Variants in DOP1B observed in about 807,000 individuals in gnomAD.
DOP1B encodes the protein protein DOP1B.
In DOP1B, 174 loss-of-function variants were observed where a neutral mutation model predicts 233.5. That is an observed-to-expected ratio of 0.75 (90% CI 0.66 to 0.85). The LOEUF (loss-of-function observed/expected upper bound fraction) is 0.85. Ranked by LOEUF, DOP1B falls within the 40% of genes least tolerant of loss-of-function variation. The probability of loss-of-function intolerance (pLI) is 0.00; values close to 1 mark genes in which losing one functional copy is unlikely to be tolerated. For missense variants in DOP1B, 2,652 were observed against 2,846.6 expected (o/e 0.93, Z 1.56); for synonymous variants, 1,190 against 1,185.6 (o/e 1.00, Z -0.08).
intron 2 of DOP1B, among the ~76,000 whole-genome samples, chr21:36,176,097 C>CGTGTGCGTGTGTGTGTGTGT (rs375729449): frequency 3.9e-4 from 55 of 141,846 alleles, no homozygotes; most frequent in Non-Finnish European, 6.0e-4. Flanking sequence ...GGTGTGTGTG[C>CGTGTGCGTGTGTGTGTGTGT]GTGTGTGTGT....
chr21:36,161,372 C>T lies in DOP1B; in HGVS notation c.-26-3336C>T, dbSNP rs564537365. On this transcript the variant is annotated intron_variant, in intron 1 of 36. Transcript: ENST00000691173. ...CAGGCTGGTCTCGAACTCCTGACCT[C>T]GTGATCCACCCACCTCGGCCTCCCA... 2.0e-3 allele frequency among the ~76,000 whole-genome samples: 302 copies of T among 151,952 alleles called. 6 individuals carry two copies. The highest frequency in any genetic ancestry group is 7.0e-3 in the African/African-American group (291 of 41,438).
chr21:36,256,106 G>A (rs2067093415), intron 23 of DOP1B, among the ~76,000 whole-genome samples: 1 of 152,130 alleles, frequency 6.6e-6, no homozygotes, highest in African/African-American at 2.4e-5. Flanking sequence ...TTTCAATCTT[G>A]AAATAATTGC....
chr21:36,209,523 T>C (rs2066468230), intron 5 of DOP1B, among the ~76,000 whole-genome samples: 1 of 152,216 alleles, frequency 6.6e-6, no homozygotes. Flanking sequence ...TCTGCTGCAT[T>C]GGCGGGTCTT....
intron 32 of DOP1B, among the ~76,000 whole-genome samples, chr21:36,283,313 C>G (rs62232384): frequency 0.41 from 62,956 of 151,900 alleles, 13,135 homozygotes; most frequent in Middle Eastern, 0.51. Context: ...GAACTCCTGA[C>G]CTCAGGTGAT....
chr21:36,286,670 AC>A lies in DOP1B; in HGVS notation c.6161-1343del, dbSNP rs1439119868. On this transcript the variant is annotated intron_variant, in intron 32 of 36. Transcript: ENST00000691173. ...CACACACACACACACACACACACAC[AC>A]ACAAAACTGACTGAGCATGGCAGCT... Among the ~76,000 whole-genome samples the A allele has an allele frequency of 1.4e-3, 189 of 130,974 alleles. 2 individuals are homozygous for A. In the East Asian group the frequency reaches 0.03, roughly 21 times the overall value. 85.9% of individuals were successfully genotyped at this position (130,974 alleles called of 152,430 possible).
At chr21:36,181,016 A>G (rs2066092425) in intron 2 of DOP1B, among the ~76,000 whole-genome samples, 1 of 152,226 alleles carries the variant, frequency 6.6e-6, no homozygotes, top group South Asian at 2.1e-4. Flanking sequence ...TTCCTCAGGT[A>G]GACAGGTATA....
intron 5 of DOP1B, among the ~76,000 whole-genome samples, chr21:36,209,557 C>CA (rs1421168941): frequency 6.6e-6 from 1 of 152,104 alleles, no homozygotes. Flanking sequence ...TGTCCTGTGT[C>CA]ACGGGGGCCA....
Position 36,227,869 on chromosome 21 carries a change from G to A in DOP1B, c.1657G>A (p.Gly553Arg), listed in dbSNP as rs149661750. 1.1e-4 allele frequency: 183 copies of A among 1,597,492 alleles called. No homozygotes were observed. Among genetic ancestry groups the A allele is most frequent in the East Asian group, 1.1e-3 (49 of 44,494 alleles). Reference protein sequence around the residue: ...PSYLDTESTSGTSSPVKGENG... With the variant: ...PSYLDTESTSRTSSPVKGENG... ...CTACCTCGACACGGAGTCCACCAGCGGAACCTCGGTGTGTACTCTGAGGGG... is the reference window on the plus strand; with the variant it reads ...CTACCTCGACACGGAGTCCACCAGCAGAACCTCGGTGTGTACTCTGAGGGG... The change falls in exon 13 of 37, where the codon GGA becomes AGA. Residue 553 changes from glycine to arginine, a missense_variant. By Grantham distance (125) the Gly-to-Arg change is moderately radical (BLOSUM62 -2). Around this residue, in one of 3 missense-constraint regions of DOP1B, gnomAD observed 2,617 missense variants for 2,794.3 expected, o/e 0.94. Transcript: ENST00000691173.
In DOP1B at chr21:36,230,079, G is replaced by A. The variant is rs1029015074; in HGVS notation, c.1666-371G>A. Among the ~76,000 whole-genome samples, 9 of 148,428 alleles carry A rather than the reference G, an allele frequency of 6.1e-5. 1 individual carries two copies. In the South Asian group the frequency reaches 1.1e-3, roughly 18 times the overall value. On this transcript the variant is annotated intron_variant, in intron 13 of 36. Transcript: ENST00000691173. ...TCCAGAGAATTGTGGCAGGTGATCC[G>A]CCCGCCTCAGCCTCCCTAAGTGCTG...
chr21:36,167,929 C>CTTTTTTTTTTTTGT (rs1568996068), intron 2 of DOP1B, among the ~76,000 whole-genome samples: 1 of 97,314 alleles, frequency 1.0e-5, no homozygotes, highest in Non-Finnish European at 2.0e-5. Flanking sequence ...CTTTTCTTTT[C>CTTTTTTTTTTTTGT]TTTTCTTTTT....
chr21:36,216,702 C>A (rs945100563), intron 9 of DOP1B, among the ~76,000 whole-genome samples: 2 of 152,162 alleles, frequency 1.3e-5, no homozygotes, highest in African/African-American at 4.8e-5. Context: ...CCCATGTCTT[C>A]CATAGGATTG....
chr21:36,261,024 A>C, intron 24 of DOP1B: 1 of 1,137,090 alleles, frequency 8.8e-7, no homozygotes, highest in Non-Finnish European at 1.1e-6. Flanking sequence ...TGATACAGAA[A>C]AAGAAAAAAA....
At chr21:36,260,229 G>C (rs1313826189) in intron 23 of DOP1B, among the ~76,000 whole-genome samples, 1 of 143,132 alleles carries the variant, frequency 7.0e-6, no homozygotes, top group Non-Finnish European at 1.5e-5. Context: ...GAAGGGAAGG[G>C]GAAGGGAAGG....
At chr21:36,157,665 A>T (rs2065831979) in intron 1 of DOP1B, among the ~76,000 whole-genome samples, 1 of 152,218 alleles carries the variant, frequency 6.6e-6, no homozygotes, top group South Asian at 2.1e-4. Flanking sequence ...AATTTTTTCC[A>T]GTACAATTTA....
chr21:36,280,439 AC>A (rs1404187318), intron 31 of DOP1B, 93 bp downstream of exon 31: 1 of 850,386 alleles, frequency 1.2e-6, no homozygotes, highest in Middle Eastern at 2.2e-4. Flanking sequence ...CCCTACTCAC[AC>A]TTTCATGGTG....
At chr21:36,161,403 CT>C (rs1198155957) in intron 1 of DOP1B, among the ~76,000 whole-genome samples, 1 of 152,182 alleles carries the variant, frequency 6.6e-6, no homozygotes, top group Non-Finnish European at 1.5e-5. Flanking sequence ...TCCCAAAGCG[CT>C]GGGATTATAG....
rs61753639 is a variant in DOP1B at position 36,251,230 on chromosome 21, G to A, written c.5067G>A (p.Ala1689=). 49 of 1,613,806 alleles carry A rather than the reference G, an allele frequency of 3.0e-5. No individual in the cohort carries two copies. Among genetic ancestry groups the A allele is most frequent in the Middle Eastern group, 1.6e-4 (1 of 6,084 alleles). ...CCCATCTTGGGGTTCAGTTGACAGC[G>A]GCTGTTGCGGCAGTGTGGAGCAGAA... ...LTAHLGVQLT[A]AVAAVWSRKK... is the part of the protein sequence containing the mutation. The change falls in exon 22 of 37, where the codon GCG becomes GCA. Residue 1689 remains alanine (A), a synonymous_variant. Transcript: ENST00000691173.
chr21:36,206,280 C>G (rs1194526972), intron 4 of DOP1B, among the ~76,000 whole-genome samples: 1 of 151,988 alleles, frequency 6.6e-6, no homozygotes, highest in Non-Finnish European at 1.5e-5. Flanking sequence ...CACCTGTAGT[C>G]CCAGCACTGA....
At chr21:36,257,962 G>A (rs2067126266) in intron 23 of DOP1B, among the ~76,000 whole-genome samples, 1 of 99,536 alleles carries the variant, frequency 1.0e-5, no homozygotes, top group South Asian at 3.8e-4. Flanking sequence ...GGTAGATGTA[G>A]GTAGGTAGGT....
Sources: allele counts gnomAD v4.1 joint callset (sites outside exome capture counted in the v4.1 genomes callset), GRCh38; gene constraint gnomAD v4.1.1; regional missense constraint gnomAD v4.1.1; transcripts MANE v1.5; gene names NCBI Gene and HGNC (gene_info 2026-07-23, HGNC 2026-07-21).